The following WT1 variants were observed in gnomAD, a reference collection of about 807,000 sequenced individuals.
WT1 encodes the protein WT1 transcription factor, also known as Wilms tumor protein.
In WT1, 8 loss-of-function variants were observed where a neutral mutation model predicts 60.8. The ratio of observed to expected loss-of-function variants is 0.13; its 90% confidence interval spans 0.08 to 0.24. The LOEUF is 0.24. Among genes scored for constraint, WT1 ranks in the 10% least tolerant of loss-of-function variants. WT1 has a pLI of 1.00. For synonymous variants in WT1, 312 were observed against 297.1 expected, an observed-to-expected ratio of 1.05 and a Z score of -0.52; for missense variants, 568 against 711.8, an observed-to-expected ratio of 0.80 and a Z score of 2.30.
intron 3 of WT1, among the ~76,000 whole-genome samples, chr11:32,421,731 A>C (rs1852861565): frequency 6.6e-6 from 1 of 152,246 alleles, no homozygotes; most frequent in African/African-American, 2.4e-5. Flanking sequence ...GAAGAAAAAA[A>C]GCCTCAGCTG....
chr11:32,424,206 G>T (rs1852950094), intron 3 of WT1, among the ~76,000 whole-genome samples: 1 of 151,386 alleles, frequency 6.6e-6, no homozygotes, highest in African/African-American at 2.4e-5. Context: ...TACAAGGGGA[G>T]TAATCAGATA....
intron 5 of WT1, among the ~76,000 whole-genome samples, chr11:32,413,534 G>A (rs1166680360): frequency 2.0e-5 from 3 of 152,214 alleles, no homozygotes; most frequent in South Asian, 4.1e-4. Context: ...CTGTTCATGA[G>A]TTTGGAGGAG....
At chr11:32,399,100 G>A (rs1365576579) in intron 6 of WT1, among the ~76,000 whole-genome samples, 2 of 148,784 alleles carry the variant, frequency 1.3e-5, no homozygotes, top group African/African-American at 5.0e-5. Context: ...AGCTTGCAGT[G>A]AGCCAAGATA....
At chr11:32,415,668 A>G (rs1414766802) in intron 5 of WT1, among the ~76,000 whole-genome samples, 1 of 152,228 alleles carries the variant, frequency 6.6e-6, no homozygotes, top group Non-Finnish European at 1.5e-5. Context: ...GAGAATGGGT[A>G]GAAAGACAGA....
rs2133076457 is a variant in WT1, at chr11:32,428,633, G to A, written c.662-14C>T. 6.2e-7 allele frequency: 1 copy of A among 1,611,320 alleles called. No individual in the cohort carries two copies. Among genetic ancestry groups the A allele is most frequent in the Non-Finnish European group, 8.5e-7 (1 of 1,179,788 alleles). On this transcript the variant is annotated splice_polypyrimidine_tract_variant and intron_variant, in intron 1 of 9. Coordinates refer to ENST00000452863, the MANE Select transcript of WT1 (RefSeq NM_024426.6). ...CCGTGCTGTAACCTGCGGGAGCGGC[G>A]GAGAGAAGCACAGTGTCAGCGGTGC...
Position 32,396,238 on chromosome 11 carries a change from G to A in WT1, c.1264+19C>T, listed in dbSNP as rs2234592. 1.4e-5 allele frequency: 22 copies of A among 1,614,102 alleles called. No individual in the cohort carries two copies. In the African/African-American group the frequency reaches 2.4e-4, roughly 18 times the overall value. ...TCTTGAACCATGTTTGCCCAAGACT[G>A]GACAGCGGGCACACTTACCAGTGTG... On this transcript the variant is annotated intron_variant, in intron 7 of 9. Coordinates refer to ENST00000452863, the MANE Select transcript of WT1 (RefSeq NM_024426.6).
intron 5 of WT1, among the ~76,000 whole-genome samples, chr11:32,410,013 G>A (rs956148251): frequency 2.0e-5 from 3 of 151,972 alleles, no homozygotes; most frequent in East Asian, 3.9e-4. Context: ...TGCAACCTCC[G>A]CCTCCTGGGT....
chr11:32,407,178 T>C (rs1852340195), intron 5 of WT1, among the ~76,000 whole-genome samples: 1 of 152,062 alleles, frequency 6.6e-6, no homozygotes, highest in African/African-American at 2.4e-5. Context: ...ATGTCCCTCA[T>C]ATAACACAAA....
chr11:32,405,023 A>T (rs374932680), intron 5 of WT1, among the ~76,000 whole-genome samples: 1 of 152,210 alleles, frequency 6.6e-6, no homozygotes, highest in Non-Finnish European at 1.5e-5. Context: ...ATAAGGAGGC[A>T]GTTATTTCAT....
chr11:32,398,757 G>C (rs1217276369), intron 6 of WT1, among the ~76,000 whole-genome samples: 1 of 151,700 alleles, frequency 6.6e-6, no homozygotes, highest in African/African-American at 2.4e-5. Flanking sequence ...AATGAAGGGG[G>C]AAAGGCCACA....
chr11:32,434,175 G>C (rs1439023797), intron 1 of WT1, among the ~76,000 whole-genome samples: 1 of 152,062 alleles, frequency 6.6e-6, no homozygotes, highest in African/African-American at 2.4e-5. Context: ...GTGCACCTAA[G>C]TGTGTGCCAA....
chr11:32,401,706 AT>A (rs964996742), intron 5 of WT1, among the ~76,000 whole-genome samples: 57 of 152,050 alleles, frequency 3.7e-4, no homozygotes, highest in African/African-American at 1.3e-3. Context: ...TACCCGGCTC[AT>A]TTTTGTACTT....
chr11:32,417,469 G>T, intron 4 of WT1, 108 bp downstream of exon 4: 4 of 996,114 alleles, frequency 4.0e-6, no homozygotes, highest in South Asian at 1.4e-5. Flanking sequence ...AGAGAGCTTT[G>T]CCCTTTCTTC....
intron 5 of WT1, among the ~76,000 whole-genome samples, chr11:32,401,840 G>T (rs1852168098): frequency 6.6e-6 from 1 of 152,082 alleles, no homozygotes; most frequent in Non-Finnish European, 1.5e-5. Flanking sequence ...AGGCCCAGCC[G>T]CATCAGCATT....
Position 32,428,639 on chromosome 11 carries a change from A to C in WT1, c.662-20T>G. The C allele has an allele frequency of 1.2e-6, 2 of 1,610,554 alleles. No individual in the cohort carries two copies. Among genetic ancestry groups the C allele is most frequent in the Non-Finnish European group, 1.7e-6 (2 of 1,179,706 alleles). On this transcript the variant is annotated intron_variant, in intron 1 of 9. Coordinates refer to ENST00000452863, the MANE Select transcript of WT1 (RefSeq NM_024426.6). ...TGTAACCTGCGGGAGCGGCGGAGAG[A>C]AGCACAGTGTCAGCGGTGCTCTCGC... is the stretch of plus-strand genomic sequence containing the variant.
chr11:32,396,196 G>A (rs1159967882), intron 7 of WT1, 61 bp downstream of exon 7: 23 of 1,610,660 alleles, frequency 1.4e-5, no homozygotes, highest in Non-Finnish European at 8.5e-7. Flanking sequence ...AGCAGTGTGA[G>A]AGCCTGGAAA....
At chr11:32,427,102 C>A (rs1264933197) in intron 3 of WT1, among the ~76,000 whole-genome samples, 2 of 152,202 alleles carry the variant, frequency 1.3e-5, no homozygotes, top group Non-Finnish European at 1.5e-5. Context: ...TGAGGTCATG[C>A]GCGCCCAATC....
chr11:32,422,338 T>A (rs1053832762), intron 3 of WT1, among the ~76,000 whole-genome samples: 1 of 152,252 alleles, frequency 6.6e-6, no homozygotes, highest in Non-Finnish European at 1.5e-5. Flanking sequence ...AACTAGATTT[T>A]TCCTCCTCCC....
intron 2 of WT1, 116 bp downstream of exon 2, chr11:32,428,381 A>G: frequency 1.3e-6 from 2 of 1,541,230 alleles, no homozygotes; most frequent in Non-Finnish European, 1.8e-6. Context: ...AATGATTTCT[A>G]AGGTCCTTTT....
Sources: allele counts gnomAD v4.1 joint callset (sites outside exome capture counted in the v4.1 genomes callset), GRCh38; gene constraint gnomAD v4.1.1; transcripts MANE v1.5; gene names NCBI Gene and HGNC (gene_info 2026-07-23, HGNC 2026-07-21).